TENM2: variants seen among roughly 807,000 people sequenced by gnomAD.
The protein encoded by TENM2 is teneurin-2.
Under a neutral mutation model 245.2 loss-of-function variants are expected in TENM2, and 52 were observed. The observed-to-expected ratio is 0.21, with a 90% CI of 0.17 to 0.27. The LOEUF (loss-of-function observed/expected upper bound fraction) is 0.27. TENM2 is among the 10% of genes least tolerant of loss of function. The probability of loss-of-function intolerance (pLI) is 1.00; values close to 1 mark genes in which losing one functional copy is unlikely to be tolerated. For missense variants in TENM2, 3,046 were observed against 3,666.8 expected (o/e 0.83, Z 4.37); for synonymous variants, 1,363 against 1,438.9 (o/e 0.95, Z 1.19).
chr5:167,061,121 CAT>C, the TENM2 span, among the ~76,000 whole-genome samples: 4 of 145,030 alleles, frequency 2.8e-5, no homozygotes, highest in Admixed American at 1.4e-4. Context: ...CACACACACA[CAT>C]GCATACGCAC....
At chr5:167,240,104 T>C in the TENM2 span, among the ~76,000 whole-genome samples, 3 of 152,220 alleles carry the variant, frequency 2.0e-5, no homozygotes, top group Non-Finnish European at 4.4e-5. Flanking sequence ...TGGGATTTTA[T>C]TGAAGTTTTC....
chr5:168,229,050 T>C (rs1474760681), intron 25 of TENM2, among the ~76,000 whole-genome samples: 2 of 148,108 alleles, frequency 1.4e-5, no homozygotes, highest in Non-Finnish European at 3.0e-5. Context: ...TATAATTACA[T>C]ATATAATTAA....
chr5:167,563,967 AG>A (rs1304955121), intron 2 of TENM2, among the ~76,000 whole-genome samples: 1 of 152,194 alleles, frequency 6.6e-6, no homozygotes, highest in African/African-American at 2.4e-5. Context: ...TTCATGTCTC[AG>A]AATGTATCCC....
chr5:167,566,769 C>A (rs547537783), intron 2 of TENM2, among the ~76,000 whole-genome samples: 2 of 152,282 alleles, frequency 1.3e-5, no homozygotes, highest in African/African-American at 4.8e-5. Flanking sequence ...CTTAGAGTTT[C>A]ATTGAGGCCA....
intron 7 of TENM2, chr5:168,085,208 C>G (rs1289392295): frequency 6.6e-6 from 1 of 152,050 alleles, no homozygotes; most frequent in Non-Finnish European, 1.5e-5. Flanking sequence ...TAGCAAGTGC[C>G]CAGGCAAAAA....
intron 2 of TENM2, among the ~76,000 whole-genome samples, chr5:167,432,737 GCTACCTTT>G (rs1764324045): frequency 6.6e-6 from 1 of 151,886 alleles, no homozygotes; most frequent in Non-Finnish European, 1.5e-5. Context: ...ACTTTTAAAT[GCTACCTTT>G]CTCCCTCATT....
chr5:167,458,216 G>A (rs1047135519), intron 2 of TENM2, among the ~76,000 whole-genome samples: 9 of 152,082 alleles, frequency 5.9e-5, no homozygotes, highest in Admixed American at 4.6e-4. Flanking sequence ...GCCAGGCACG[G>A]TGGCTCACGC....
At chr5:167,995,146 G>A (rs1319523424) in intron 5 of TENM2, among the ~76,000 whole-genome samples, 1 of 152,122 alleles carries the variant, frequency 6.6e-6, no homozygotes, top group Non-Finnish European at 1.5e-5. Context: ...TACCGTCCCA[G>A]TGCGCCTTCT....
intron 2 of TENM2, among the ~76,000 whole-genome samples, chr5:167,450,219 G>T (rs1043185944): frequency 6.6e-6 from 1 of 151,748 alleles, no homozygotes; most frequent in Non-Finnish European, 1.5e-5. Context: ...TTGTTCAAGG[G>T]TCTTGGTACC....
chr5:167,611,576 G>A (rs537504292), intron 2 of TENM2, among the ~76,000 whole-genome samples: 20 of 152,208 alleles, frequency 1.3e-4, no homozygotes, highest in South Asian at 6.2e-4. Flanking sequence ...GTAGTTAGAG[G>A]ATATTTAACA....
chr5:168,060,949 T>G (rs927938963), intron 6 of TENM2, among the ~76,000 whole-genome samples: 1 of 152,130 alleles, frequency 6.6e-6, no homozygotes, highest in Admixed American at 6.6e-5. Context: ...ATAAATATTT[T>G]TAGAAGAGTT....
In TENM2 at chr5:168,190,699, C is replaced by T. The variant is rs540125551; in HGVS notation, c.2780+152C>T. The T allele has an allele frequency of 7.7e-5, 48 of 624,974 alleles. 1 individual carries two copies. The South Asian group carries it at 9.0e-4, about 12-fold the overall frequency. 38.7% of individuals were successfully genotyped at this position (624,974 alleles called of 1,614,324 possible). ...CTCCAAGGGGGACTCAGAGAAGTGCCCTTTCCTCACTTTGTGTTGGGCTCC... is the reference window on the plus strand; with the variant it reads ...CTCCAAGGGGGACTCAGAGAAGTGCTCTTTCCTCACTTTGTGTTGGGCTCC... On this transcript the variant is annotated intron_variant, in intron 14 of 28. Transcript: ENST00000518659.
intron 2 of TENM2, among the ~76,000 whole-genome samples, chr5:167,875,414 A>G (rs938471169): frequency 3.3e-5 from 5 of 152,194 alleles, no homozygotes; most frequent in East Asian, 1.9e-4. Context: ...AAGTGTTACT[A>G]TGAGAGTGAG....
intron 2 of TENM2, among the ~76,000 whole-genome samples, chr5:167,785,887 C>T (rs1764543392): frequency 6.6e-6 from 1 of 152,148 alleles, no homozygotes; most frequent in Non-Finnish European, 1.5e-5. Flanking sequence ...CTCAGGATAG[C>T]ACCTGCCTAC....
At chr5:167,365,753 A>G (rs1760012063) in intron 1 of TENM2, among the ~76,000 whole-genome samples, 1 of 152,042 alleles carries the variant, frequency 6.6e-6, no homozygotes, top group Non-Finnish European at 1.5e-5. Context: ...TACAACAGGT[A>G]CCTATAAAAT....
chr5:168,082,894 G>A (rs1792127943), intron 7 of TENM2, among the ~76,000 whole-genome samples: 1 of 152,170 alleles, frequency 6.6e-6, no homozygotes, highest in South Asian at 2.1e-4. Context: ...AGTCTACTAG[G>A]GGGTCAGGGA....
intron 2 of TENM2, among the ~76,000 whole-genome samples, chr5:167,474,973 C>T (rs1767273428): frequency 6.6e-6 from 1 of 152,034 alleles, no homozygotes; most frequent in South Asian, 2.1e-4. Context: ...GTTTGCAAAC[C>T]TAGTATATTT....
chr5:167,010,242 G>A, the TENM2 span, among the ~76,000 whole-genome samples: 1 of 152,170 alleles, frequency 6.6e-6, no homozygotes, highest in Admixed American at 6.5e-5. Flanking sequence ...AATTAGCCGG[G>A]CATGGTGGTG....
chr5:168,036,478 A>C (rs1787673189), intron 5 of TENM2, among the ~76,000 whole-genome samples: 1 of 151,734 alleles, frequency 6.6e-6, no homozygotes, highest in African/African-American at 2.4e-5. Flanking sequence ...TCTACTAAAA[A>C]TACAAAAATT....
Sources: allele counts gnomAD v4.1 joint callset (sites outside exome capture counted in the v4.1 genomes callset), GRCh38; gene constraint gnomAD v4.1.1; transcripts MANE v1.5; gene names NCBI Gene and HGNC (gene_info 2026-07-23, HGNC 2026-07-21).